The following PDE4D variants were observed in gnomAD, a reference collection of about 807,000 sequenced individuals.
PDE4D encodes phosphodiesterase 4D, also known as 3',5'-cyclic-AMP phosphodiesterase 4D.
A neutral mutation model predicts 87.4 loss-of-function variants in PDE4D; 24 were observed. The ratio of observed to expected loss-of-function variants is 0.27; its 90% CI spans 0.20 to 0.39. The LOEUF (loss-of-function observed/expected upper bound fraction) is 0.39. Ranked by LOEUF, PDE4D falls within the 10% of genes least tolerant of loss-of-function variation. The pLI is 1.00. For missense variants in PDE4D, 714 were observed against 1,041.0 expected (o/e 0.69, Z 4.32); for synonymous variants, 384 against 383.2 (o/e 1.00, Z -0.02).
At chr5:59,082,554 A>C (rs1766953350) in intron 5 of PDE4D, among the ~76,000 whole-genome samples, 1 of 152,182 alleles carries the variant, frequency 6.6e-6, no homozygotes, top group Admixed American at 6.6e-5. Context: ...TACCAGTTAG[A>C]AAATAGATAA....
intron 5 of PDE4D, among the ~76,000 whole-genome samples, chr5:59,079,179 G>T (rs550284050): frequency 6.6e-6 from 1 of 152,066 alleles, no homozygotes; most frequent in Non-Finnish European, 1.5e-5. Context: ...TTTCAAGAAA[G>T]ACAGCAAGAC....
At chr5:59,494,964 C>A (rs2153661887) in intron 1 of PDE4D, among the ~76,000 whole-genome samples, 1 of 152,256 alleles carries the variant, frequency 6.6e-6, no homozygotes, top group Non-Finnish European at 1.5e-5. Context: ...GTATTCAAAT[C>A]CCCTTCAAGT....
intron 2 of PDE4D, among the ~76,000 whole-genome samples, chr5:60,148,973 C>T (rs1781258854): frequency 6.6e-6 from 1 of 152,108 alleles, no homozygotes; most frequent in South Asian, 2.1e-4. Context: ...TGGAGGAATT[C>T]TGCTATGGAG....
chr5:60,166,670 A>T (rs1782931471), intron 2 of PDE4D, among the ~76,000 whole-genome samples: 1 of 152,216 alleles, frequency 6.6e-6, no homozygotes, highest in African/African-American at 2.4e-5. Context: ...TAGCATTAAC[A>T]CATGTTTTTG....
intron 1 of PDE4D, among the ~76,000 whole-genome samples, chr5:59,738,112 T>C (rs1474173197): frequency 6.6e-6 from 1 of 152,148 alleles, no homozygotes; most frequent in Non-Finnish European, 1.5e-5. Context: ...TCCACATGCA[T>C]AAACATGAAT....
At chr5:60,269,803 G>A (rs910721215) in intron 1 of PDE4D, among the ~76,000 whole-genome samples, 8 of 152,114 alleles carry the variant, frequency 5.3e-5, no homozygotes, top group Non-Finnish European at 7.4e-5. Flanking sequence ...ACAACATCAC[G>A]TTTATACCAT....
intron 1 of PDE4D, among the ~76,000 whole-genome samples, chr5:60,432,251 G>A (rs1432607451): frequency 6.6e-6 from 1 of 152,184 alleles, no homozygotes; most frequent in Non-Finnish European, 1.5e-5. Context: ...GTCTTTGCCA[G>A]GATGATGCTG....
chr5:59,326,036 A>G (rs1373396018), intron 1 of PDE4D, among the ~76,000 whole-genome samples: 2 of 152,088 alleles, frequency 1.3e-5, no homozygotes, highest in Non-Finnish European at 2.9e-5. Flanking sequence ...CAAACACCGC[A>G]TGTTCTCACT....
intron 5 of PDE4D, among the ~76,000 whole-genome samples, chr5:59,048,429 G>T (rs1761046572): frequency 6.6e-6 from 1 of 152,154 alleles, no homozygotes; most frequent in Non-Finnish European, 1.5e-5. Context: ...CAAGGAGTTT[G>T]AACAGATTAT....
intron 1 of PDE4D, among the ~76,000 whole-genome samples, chr5:59,527,399 T>C (rs779939377): frequency 4.6e-5 from 7 of 152,156 alleles, no homozygotes; most frequent in Non-Finnish European, 1.0e-4. Context: ...AAAATATCAC[T>C]ATAGAACAGT....
At chr5:60,359,114 A>G (rs189792830) in intron 1 of PDE4D, among the ~76,000 whole-genome samples, 1 of 152,326 alleles carries the variant, frequency 6.6e-6, no homozygotes, top group East Asian at 1.9e-4. Context: ...GAATATTGTT[A>G]TATTGTTATA....
intron 1 of PDE4D, among the ~76,000 whole-genome samples, chr5:59,409,223 C>G (rs1582451195): frequency 6.6e-6 from 1 of 151,628 alleles, no homozygotes; most frequent in East Asian, 1.9e-4. Context: ...AAGTAAATAA[C>G]TTGTTTTAAT....
intron 1 of PDE4D, among the ~76,000 whole-genome samples, chr5:60,498,014 TCTGA>T (rs1325362426): frequency 6.6e-6 from 1 of 152,216 alleles, no homozygotes; most frequent in East Asian, 1.9e-4. Context: ...TAGGTCATCC[TCTGA>T]CTATCAGCAG....
chr5:60,431,938 C>T (rs887781056), intron 1 of PDE4D, among the ~76,000 whole-genome samples: 2 of 152,216 alleles, frequency 1.3e-5, no homozygotes, highest in Non-Finnish European at 2.9e-5. Flanking sequence ...TCAGGTGTGG[C>T]GGCGCAGGCC....
chr5:60,353,030 CAT>C (rs1561154463), intron 1 of PDE4D, among the ~76,000 whole-genome samples: 1 of 152,108 alleles, frequency 6.6e-6, no homozygotes, highest in East Asian at 1.9e-4. Flanking sequence ...ACATTTAAGA[CAT>C]ATAATTAAAT....
intron 1 of PDE4D, among the ~76,000 whole-genome samples, chr5:59,609,131 T>C (rs975724636): frequency 2.0e-5 from 3 of 152,126 alleles, no homozygotes; most frequent in African/African-American, 4.8e-5. Flanking sequence ...TTGAAGATCA[T>C]ATGTAGAGAG....
chr5:59,175,252 A>C (rs2153475175), intron 5 of PDE4D, among the ~76,000 whole-genome samples: 1 of 152,260 alleles, frequency 6.6e-6, no homozygotes, highest in East Asian at 1.9e-4. Flanking sequence ...CTAAATGATA[A>C]AAGGATTACT....
chr5:59,954,752 C>T (rs140475777), intron 3 of PDE4D, among the ~76,000 whole-genome samples: 1 of 152,124 alleles, frequency 6.6e-6, no homozygotes, highest in Non-Finnish European at 1.5e-5. Context: ...GTGCCCCAGA[C>T]CTTTTTCTCC....
rs1764126360 is a variant in PDE4D at position 60,002,679 on chromosome 5, T to C, written c.43-13962A>G. 2.6e-5 allele frequency among the ~76,000 whole-genome samples: 4 copies of C among 152,174 alleles called. No individual in the cohort carries two copies. The South Asian group carries it at 6.2e-4, about 24-fold the overall frequency. On this transcript the variant is annotated intron_variant, in intron 2 of 16. Coordinates refer to the PDE4D transcript ENST00000502484. The stretch of plus-strand genomic sequence containing the variant: ...TGAAAGATAAAGATCATATGATCTA[T>C]AATCATCTCCATAGAGGCAGAAACA...
Sources: gnomAD v4.1 joint callset for allele counts (sites outside exome capture counted in the v4.1 genomes callset) on GRCh38, gnomAD v4.1.1 for gene constraint, MANE v1.5 for transcripts, NCBI Gene and HGNC (gene_info 2026-07-23, HGNC 2026-07-21) for gene names.